Variants in SLC28A3 observed in about 807,000 individuals in gnomAD.
SLC28A3 encodes concentrative Na(+)-nucleoside cotransporter 3.
SLC28A3 carries 68 observed loss-of-function variants against 84.2 expected under a neutral mutation model. The observed-to-expected ratio is 0.81, with a 90% confidence interval of 0.66 to 0.99. The LOEUF (loss-of-function observed/expected upper bound fraction) is 0.99. Among genes scored for constraint, SLC28A3 ranks in the 50% least tolerant of loss-of-function variants. The pLI, the probability that SLC28A3 is intolerant of heterozygous loss-of-function variation, is 0.00. For missense variants in SLC28A3, 712 were observed against 841.5 expected, an observed-to-expected ratio of 0.85 and a Z score of 1.90; for synonymous variants, 267 against 303.6, an observed-to-expected ratio of 0.88 and a Z score of 1.25.
At chr9:84,306,538 G>A (rs1825797370) in intron 3 of SLC28A3, among the ~76,000 whole-genome samples, 1 of 152,110 alleles carries the variant, frequency 6.6e-6, no homozygotes, top group South Asian at 2.1e-4. Context: ...CCAGTAGCAG[G>A]AAATATTGGT....
At chr9:84,310,661 C>G in intron 2 of SLC28A3, 1 of 906,498 alleles carries the variant, frequency 1.1e-6, no homozygotes, top group Non-Finnish European at 1.3e-6. Context: ...TCCTATAATT[C>G]CACGAGGCCA....
In SLC28A3 at chr9:84,288,147, A is replaced by G. The variant is rs749998131; in HGVS notation, c.1181T>C (p.Val394Ala). The G allele has an allele frequency of 6.2e-7, 1 of 1,614,152 alleles. No individual in the cohort carries two copies. Among genetic ancestry groups the G allele is most frequent in the East Asian group, 2.2e-5 (1 of 44,874 alleles). ...VPSSHLLTAS[V>A]MSAPASLAAA... The stretch of plus-strand genomic sequence containing the variant: ...AGCCAATGACGCAGGTGCTGACATA[A>G]CTGACGCTGTTAACAAGTGGGAGGA... Residue 394 changes from valine to alanine, a missense_variant, in exon 12 of 18, where the codon GTT becomes GCT. Coordinates refer to ENST00000376238, the MANE Select transcript of SLC28A3 (RefSeq NM_001199633.2).
At chr9:84,302,832 C>T (rs1825679210) in intron 4 of SLC28A3, among the ~76,000 whole-genome samples, 1 of 152,036 alleles carries the variant, frequency 6.6e-6, no homozygotes, top group South Asian at 2.1e-4. Flanking sequence ...AAGGAATAGA[C>T]CTACCAACAA....
chr9:84,320,644 G>A (rs1449815521), intron 1 of SLC28A3, among the ~76,000 whole-genome samples: 1 of 152,172 alleles, frequency 6.6e-6, no homozygotes, highest in East Asian at 1.9e-4. Flanking sequence ...GACGGACACT[G>A]CTTTGGGTGT....
intron 11 of SLC28A3, among the ~76,000 whole-genome samples, chr9:84,288,973 C>T (rs984082350): frequency 5.3e-5 from 8 of 152,138 alleles, no homozygotes; most frequent in African/African-American, 1.9e-4. Context: ...GTCCTTGGTG[C>T]CTTTACACAA....
At chr9:84,299,290 A>G (rs1393092421) in intron 6 of SLC28A3, among the ~76,000 whole-genome samples, 1 of 152,194 alleles carries the variant, frequency 6.6e-6, no homozygotes, top group Admixed American at 6.5e-5. Context: ...AAAATGGATG[A>G]GTTTTCTCTG....
At chr9:84,303,272 G>A (rs934391599) in intron 4 of SLC28A3, among the ~76,000 whole-genome samples, 1 of 152,078 alleles carries the variant, frequency 6.6e-6, no homozygotes, top group Non-Finnish European at 1.5e-5. Context: ...TTTCTCTATC[G>A]CCTTTAGCCA....
chr9:84,280,981 A>T, intron 14 of SLC28A3, 99 bp from the exon 15 acceptor site: 1 of 1,094,294 alleles, frequency 9.1e-7, no homozygotes, highest in Non-Finnish European at 1.4e-6. Context: ...TTCAATATTG[A>T]CAAATAAATG....
chr9:84,323,770 C>T (rs1407982747), intron 1 of SLC28A3, among the ~76,000 whole-genome samples: 2 of 151,880 alleles, frequency 1.3e-5, no homozygotes, highest in South Asian at 2.1e-4. Context: ...TTTTAACACC[C>T]CTCATCTATC....
At chr9:84,358,303 T>C in the SLC28A3 span, among the ~76,000 whole-genome samples, 4 of 152,090 alleles carry the variant, frequency 2.6e-5, no homozygotes, top group African/African-American at 7.2e-5. Context: ...CTGGACAAGA[T>C]AGCCACAACT....
chr9:84,292,463 G>C (rs7357628), intron 10 of SLC28A3: 17 of 500,586 alleles, frequency 3.4e-5, no homozygotes, highest in East Asian at 1.8e-4. Flanking sequence ...CTGTCTCTCT[G>C]TCTCTCTCTC....
intron 1 of SLC28A3, among the ~76,000 whole-genome samples, chr9:84,330,665 A>G (rs1485607648): frequency 6.6e-6 from 1 of 152,216 alleles, no homozygotes; most frequent in Non-Finnish European, 1.5e-5. Context: ...AAATCTAAAA[A>G]CAGATCAAGT....
Position 84,321,703 on chromosome 9 carries a change from T to C in SLC28A3, c.61-8249A>G, listed in dbSNP as rs189009018. On this transcript the variant is annotated intron_variant, in intron 1 of 17. Coordinates refer to ENST00000376238, the MANE Select transcript of SLC28A3 (RefSeq NM_001199633.2). ...GAGCTGAGATTGCGCCACTGCACTC[T>C]AGCCTGGGCAATAGAGTGAGACTCC... 6.9e-3 allele frequency among the ~76,000 whole-genome samples: 870 copies of C among 125,554 alleles called. 6 individuals are homozygous for C. Among genetic ancestry groups the C allele is most frequent in the Middle Eastern group, 0.028 (4 of 142 alleles). 82.4% of individuals were successfully genotyped at this position (125,554 alleles called of 152,430 possible).
chr9:84,286,141 A>G (rs1385753524), intron 12 of SLC28A3, 30 bp from the exon 13 acceptor site: 1 of 1,607,380 alleles, frequency 6.2e-7, no homozygotes, highest in East Asian at 2.2e-5. Context: ...TTCCAGAATT[A>G]CCAAGGAGTT....
intron 5 of SLC28A3, 92 bp from the exon 6 acceptor site, chr9:84,299,817 G>A (rs112691706): frequency 1.6e-5 from 23 of 1,402,024 alleles, no homozygotes; most frequent in Middle Eastern, 2.0e-4. Context: ...TTGAGAGATG[G>A]AGTCTTGCTC....
intron 12 of SLC28A3, among the ~76,000 whole-genome samples, chr9:84,286,378 C>T (rs1824987683): frequency 6.6e-6 from 1 of 150,898 alleles, no homozygotes; most frequent in Admixed American, 6.6e-5. Flanking sequence ...TTGGAGCCTC[C>T]AACTCCTGGG....
In SLC28A3 at chr9:84,289,940, A is replaced by C. The variant is rs900505273; in HGVS notation, c.1149+214T>G. On this transcript the variant is annotated intron_variant, in intron 11 of 17. Coordinates refer to ENST00000376238, the MANE Select transcript of SLC28A3 (RefSeq NM_001199633.2). Reference sequence around the variant, plus strand: ...GCATTTTTCTGTTTTTATTCTGCAGATAGAACTCACATTTAGGCAGCAGGT... The same window carrying C: ...GCATTTTTCTGTTTTTATTCTGCAGCTAGAACTCACATTTAGGCAGCAGGT... 9.5e-6 allele frequency: 4 copies of C among 422,752 alleles called. No homozygotes were observed. The East Asian group carries it at 1.1e-4, about 12-fold the overall frequency. The allele number at this position is 422,752 out of a possible 1,614,324, so 26.2% of individuals were successfully genotyped here.
At chr9:84,292,584 C>T in intron 10 of SLC28A3, 84 bp downstream of exon 10, 2 of 1,097,676 alleles carry the variant, frequency 1.8e-6, no homozygotes. Context: ...ACTAAAAGAA[C>T]ATTGTGTTAT....
chr9:84,358,857 C>A, the SLC28A3 span, among the ~76,000 whole-genome samples: 1 of 152,152 alleles, frequency 6.6e-6, no homozygotes, highest in Admixed American at 6.5e-5. Flanking sequence ...GGTTGGAGTG[C>A]AGTGGTGCAA....
Sources: allele counts gnomAD v4.1 joint callset (sites outside exome capture counted in the v4.1 genomes callset), GRCh38; gene constraint gnomAD v4.1.1; transcripts MANE v1.5; gene names NCBI Gene and HGNC (gene_info 2026-07-23, HGNC 2026-07-21).